Variants in IPCEF1 observed in about 807,000 individuals in gnomAD.
The protein encoded by IPCEF1 is interaction protein for cytohesin exchange factors 1.
Under a neutral mutation model 50.9 loss-of-function variants are expected in IPCEF1, and 31 were observed. The observed-to-expected ratio is 0.61, with a 90% CI of 0.46 to 0.82. The LOEUF is 0.82. Ranked by LOEUF, IPCEF1 falls within the 40% of genes least tolerant of loss-of-function variation. The probability of loss-of-function intolerance (pLI) is 0.00; values close to 1 mark genes in which losing one functional copy is unlikely to be tolerated. For synonymous variants in IPCEF1, 181 were observed against 192.0 expected, an observed-to-expected ratio of 0.94 and a Z score of 0.47; for missense variants, 458 against 514.0, an observed-to-expected ratio of 0.89 and a Z score of 1.05.
intron 2 of IPCEF1, among the ~76,000 whole-genome samples, chr6:154,278,808 A>G (rs1267933266): frequency 1.3e-5 from 2 of 151,958 alleles, no homozygotes; most frequent in African/African-American, 4.8e-5. Context: ...AAGAATCTAC[A>G]CATTAATAAT....
intron 7 of IPCEF1, 150 bp downstream of exon 7, chr6:154,221,107 C>A: frequency 1.7e-6 from 1 of 600,098 alleles, no homozygotes; most frequent in Non-Finnish European, 2.8e-6. Context: ...GAAGAAAGCA[C>A]GAAGGCATTG....
intron 1 of IPCEF1, among the ~76,000 whole-genome samples, chr6:154,291,961 G>A (rs1782527864): frequency 6.6e-6 from 1 of 152,104 alleles, no homozygotes; most frequent in African/African-American, 2.4e-5. Flanking sequence ...GGGATTACAG[G>A]CTTGAGCCAT....
chr6:154,315,581 T>C (rs1783195274), intron 1 of IPCEF1, among the ~76,000 whole-genome samples: 1 of 152,100 alleles, frequency 6.6e-6, no homozygotes, highest in Non-Finnish European at 1.5e-5. Flanking sequence ...CGATCACAGA[T>C]GGGAATGGGC....
chr6:154,209,442 GGAGCCACA>G (rs1777779224), intron 9 of IPCEF1, among the ~76,000 whole-genome samples: 1 of 151,952 alleles, frequency 6.6e-6, no homozygotes, highest in Admixed American at 6.6e-5. Context: ...CTTGAGCTCA[GGAGCCACA>G]GACCAACCTA....
chr6:154,334,277 G>A (rs1562293696), intron 1 of IPCEF1, among the ~76,000 whole-genome samples: 4 of 152,158 alleles, frequency 2.6e-5, no homozygotes, highest in Non-Finnish European at 5.9e-5. Flanking sequence ...GAGTCTAGCA[G>A]TAAAAAGTCT....
chr6:154,160,099 A>T (rs1168280953), intron 11 of IPCEF1, 59 bp from the exon 12 acceptor site: 1 of 1,266,394 alleles, frequency 7.9e-7, no homozygotes, highest in Non-Finnish European at 1.1e-6. Context: ...ATTTACATAA[A>T]CCATCTTTAC....
At chr6:154,162,173 G>A (rs764045718) in intron 11 of IPCEF1, among the ~76,000 whole-genome samples, 11 of 152,252 alleles carry the variant, frequency 7.2e-5, no homozygotes, top group South Asian at 2.1e-4. Context: ...AATGGCCCCC[G>A]CTCTCCTACT....
chr6:154,230,804 G>A (rs761952738), intron 5 of IPCEF1, among the ~76,000 whole-genome samples: 3 of 151,914 alleles, frequency 2.0e-5, no homozygotes, highest in Non-Finnish European at 4.4e-5. Context: ...TATTTTCATT[G>A]CAACATCTTC....
At chr6:154,332,406 AC>A (rs893623812) in intron 1 of IPCEF1, among the ~76,000 whole-genome samples, 9 of 151,712 alleles carry the variant, frequency 5.9e-5, no homozygotes, top group African/African-American at 2.2e-4. Context: ...CATGTTGATA[AC>A]TTTTTATGAT....
chr6:154,204,564 G>A (rs1172629318), intron 9 of IPCEF1, among the ~76,000 whole-genome samples: 1 of 152,118 alleles, frequency 6.6e-6, no homozygotes, highest in Non-Finnish European at 1.5e-5. Flanking sequence ...CCTTGTAATA[G>A]TACACTCCTT....
chr6:154,219,825 C>T (rs2077897070), intron 7 of IPCEF1, among the ~76,000 whole-genome samples: 1 of 152,200 alleles, frequency 6.6e-6, no homozygotes, highest in Non-Finnish European at 1.5e-5. Context: ...GAAGACTCAA[C>T]TGTCCGTTCC....
At chr6:154,247,747 G>A (rs898113568) in intron 3 of IPCEF1, 16 of 380,172 alleles carry the variant, frequency 4.2e-5, no homozygotes, top group Non-Finnish European at 6.6e-5. Context: ...CCACCCACAA[G>A]CCGCTCTCAC....
chr6:154,238,039 A>T lies in IPCEF1; in HGVS notation c.246+8552T>A, dbSNP rs992986523. Among the ~76,000 whole-genome samples the T allele has an allele frequency of 4.6e-5, 7 of 152,370 alleles. No individual in the cohort carries two copies. In the East Asian group the frequency reaches 1.3e-3, roughly 29 times the overall value. The stretch of plus-strand genomic sequence containing the variant: ...TCTATGCATTGGCAAATCAACTATC[A>T]TATATGCATATATAATTCTTACAGC... On this transcript the variant is annotated intron_variant, in intron 5 of 11. Transcript: ENST00000367220.
intron 1 of IPCEF1, among the ~76,000 whole-genome samples, chr6:154,351,689 C>G (rs909776492): frequency 2.0e-5 from 3 of 152,156 alleles, no homozygotes; most frequent in Non-Finnish European, 4.4e-5. Context: ...ATCCCTCTCC[C>G]CTGCCTATTG....
chr6:154,260,323 G>A (rs1226970421), intron 3 of IPCEF1, among the ~76,000 whole-genome samples: 1 of 152,132 alleles, frequency 6.6e-6, no homozygotes, highest in African/African-American at 2.4e-5. Context: ...TTGTTTCAGG[G>A]AAAACATTTT....
chr6:154,321,199 G>C (rs1432955503), intron 1 of IPCEF1, among the ~76,000 whole-genome samples: 1 of 152,060 alleles, frequency 6.6e-6, no homozygotes, highest in Non-Finnish European at 1.5e-5. Flanking sequence ...CCAAAGTGCT[G>C]GGATTACAGG....
chr6:154,234,563 T>C (rs1779968984), intron 5 of IPCEF1, among the ~76,000 whole-genome samples: 4 of 152,154 alleles, frequency 2.6e-5, no homozygotes, highest in Admixed American at 2.6e-4. Flanking sequence ...TACTATTCCC[T>C]CCTAAAAGTC....
At chr6:154,218,101 C>A (rs1778557621) in intron 7 of IPCEF1, among the ~76,000 whole-genome samples, 1 of 152,120 alleles carries the variant, frequency 6.6e-6, no homozygotes, top group East Asian at 1.9e-4. Flanking sequence ...TTTAAAACAT[C>A]ATGGCAGCAG....
Position 154,244,303 on chromosome 6 carries a change from T to G in IPCEF1, c.246+2288A>C, listed in dbSNP as rs945832133. On this transcript the variant is annotated intron_variant, in intron 5 of 11. Coordinates refer to ENST00000367220, the MANE Select transcript of IPCEF1 (RefSeq NM_001130700.2). ...AAGATTCGGTGTGTGTGTGGGTGGGTGTGTGTGTGTGTGTGTGTGTGTGTT... is the reference window on the plus strand; with the variant it reads ...AAGATTCGGTGTGTGTGTGGGTGGGGGTGTGTGTGTGTGTGTGTGTGTGTT... Among the ~76,000 whole-genome samples the G allele has an allele frequency of 3.1e-3, 441 of 140,780 alleles. 4 individuals carry two copies. The highest frequency in any genetic ancestry group is 0.012 in the African/African-American group (427 of 35,048). 92.4% of individuals were successfully genotyped at this position (140,780 alleles called of 152,430 possible). A position where few individuals can be genotyped will look rare whatever the true frequency, so the allele number is the denominator to read the frequency against.
Sources: allele counts gnomAD v4.1 joint callset (sites outside exome capture counted in the v4.1 genomes callset), GRCh38; gene constraint gnomAD v4.1.1; transcripts MANE v1.5; gene names NCBI Gene and HGNC (gene_info 2026-07-23, HGNC 2026-07-21).